Variants in AGBL1 observed in about 807,000 individuals in gnomAD.
AGBL1 encodes cytosolic carboxypeptidase 4.
Under a neutral mutation model 118.9 loss-of-function variants are expected in AGBL1, and 130 were observed. The ratio of observed to expected loss-of-function variants is 1.09; its 90% CI spans 0.95 to 1.26. The LOEUF (loss-of-function observed/expected upper bound fraction) is 1.26. AGBL1 is among the 50% of genes most tolerant of loss of function. The probability of loss-of-function intolerance (pLI) is 0.00; values close to 1 mark genes in which losing one functional copy is unlikely to be tolerated. For synonymous variants in AGBL1, 555 were observed against 478.9 expected, an observed-to-expected ratio of 1.16 and a Z score of -2.08; for missense variants, 1,584 against 1,298.1, an observed-to-expected ratio of 1.22 and a Z score of -3.38.
chr15:86,119,787 T>C (rs1394029486), intron 1 of AGBL1, among the ~76,000 whole-genome samples: 3 of 152,120 alleles, frequency 2.0e-5, no homozygotes, highest in Non-Finnish European at 2.9e-5. Flanking sequence ...GGGGTCCTAG[T>C]AGCTGCATAG....
At chr15:86,904,433 G>T (rs550321015) in intron 22 of AGBL1, among the ~76,000 whole-genome samples, 1 of 150,800 alleles carries the variant, frequency 6.6e-6, no homozygotes, top group South Asian at 2.1e-4. Context: ...AGAAGTGAAA[G>T]TCCTTGAATA....
intron 4 of AGBL1, among the ~76,000 whole-genome samples, chr15:86,156,051 A>G (rs1188361069): frequency 6.6e-6 from 1 of 152,048 alleles, no homozygotes; most frequent in Non-Finnish European, 1.5e-5. Context: ...CCTCCCGAGT[A>G]GCTGGGATCA....
intron 9 of AGBL1, among the ~76,000 whole-genome samples, chr15:86,261,196 C>A (rs1039231100): frequency 6.6e-6 from 1 of 152,206 alleles, no homozygotes; most frequent in African/African-American, 2.4e-5. Context: ...TGACTCTCCT[C>A]CCTTCAGATG....
At chr15:86,254,863 A>T (rs1164407821) in intron 7 of AGBL1, among the ~76,000 whole-genome samples, 1 of 152,176 alleles carries the variant, frequency 6.6e-6, no homozygotes, top group Non-Finnish European at 1.5e-5. Context: ...CTTGAAACCA[A>T]TGATCTTTGC....
intron 22 of AGBL1, among the ~76,000 whole-genome samples, chr15:86,855,023 G>C (rs975854598): frequency 6.6e-6 from 1 of 152,152 alleles, no homozygotes; most frequent in Admixed American, 6.5e-5. Context: ...TGAGAAACTT[G>C]TCTTCTGCTC....
intron 5 of AGBL1, among the ~76,000 whole-genome samples, chr15:86,159,971 A>G (rs1395351756): frequency 1.3e-5 from 2 of 152,172 alleles, no homozygotes; most frequent in East Asian, 1.9e-4. Flanking sequence ...GTAAGTTGAG[A>G]AATACTGGAT....
At chr15:86,300,272 C>T (rs1287664394) in intron 17 of AGBL1, among the ~76,000 whole-genome samples, 3 of 152,094 alleles carry the variant, frequency 2.0e-5, no homozygotes, top group African/African-American at 7.2e-5. Flanking sequence ...TTCTAAATGA[C>T]CATTTTAGCC....
intron 9 of AGBL1, 119 bp downstream of exon 9, chr15:86,258,150 C>T: frequency 1.0e-6 from 1 of 959,782 alleles, no homozygotes; most frequent in East Asian, 2.4e-5. Context: ...TTAGTACTGC[C>T]ACTCCAGTGG....
intron 23 of AGBL1, among the ~76,000 whole-genome samples, chr15:86,941,309 T>G (rs151223010): frequency 9.9e-4 from 151 of 152,348 alleles, no homozygotes; most frequent in African/African-American, 3.4e-3. Flanking sequence ...ACGTTGTAAT[T>G]TCTGGGTCAG....
chr15:86,180,927 T>G (rs1276862384), intron 5 of AGBL1, among the ~76,000 whole-genome samples: 5 of 152,092 alleles, frequency 3.3e-5, no homozygotes, highest in Admixed American at 2.0e-4. Flanking sequence ...ATGCTCAACA[T>G]CAGAATTAAT....
intron 22 of AGBL1, among the ~76,000 whole-genome samples, chr15:86,750,429 G>GA (rs1461623795): frequency 6.6e-6 from 1 of 151,722 alleles, no homozygotes; most frequent in Non-Finnish European, 1.5e-5. Context: ...CAATAACACC[G>GA]AACTCCCTTT....
chr15:86,791,741 T>C (rs2078496629), intron 22 of AGBL1, among the ~76,000 whole-genome samples: 1 of 149,716 alleles, frequency 6.7e-6, no homozygotes, highest in Non-Finnish European at 1.5e-5. Context: ...TATATATATA[T>C]ATATATATAT....
At chr15:86,380,397 G>C (rs571706323) in intron 17 of AGBL1, among the ~76,000 whole-genome samples, 1 of 151,260 alleles carries the variant, frequency 6.6e-6, no homozygotes, top group East Asian at 2.0e-4. Flanking sequence ...TGATTCTCCT[G>C]CCTCAGCCTC....
At chr15:86,116,346 G>A (rs1675842592) in intron 1 of AGBL1, among the ~76,000 whole-genome samples, 1 of 152,206 alleles carries the variant, frequency 6.6e-6, no homozygotes, top group Admixed American at 6.5e-5. Context: ...AGGATTATGT[G>A]TTTGTTTTTT....
At chr15:86,826,041 A>C (rs2079009600) in intron 22 of AGBL1, among the ~76,000 whole-genome samples, 1 of 151,792 alleles carries the variant, frequency 6.6e-6, no homozygotes, top group South Asian at 2.1e-4. Context: ...TCTTGCAAAA[A>C]AAAAATATTA....
chr15:86,873,286 G>A (rs1200995767), intron 22 of AGBL1, among the ~76,000 whole-genome samples: 2 of 152,044 alleles, frequency 1.3e-5, no homozygotes, highest in African/African-American at 4.8e-5. Flanking sequence ...CAGATGAGTT[G>A]ATTTCTGAGC....
At chr15:86,429,078 G>T (rs866050117) in intron 18 of AGBL1, among the ~76,000 whole-genome samples, 1 of 152,152 alleles carries the variant, frequency 6.6e-6, no homozygotes, top group African/African-American at 2.4e-5. Flanking sequence ...CTTTCCCTTC[G>T]CTCTGCCTCC....
At chr15:86,246,909 A>C (rs867698036) in intron 6 of AGBL1, among the ~76,000 whole-genome samples, 1 of 152,084 alleles carries the variant, frequency 6.6e-6, no homozygotes, top group African/African-American at 2.4e-5. Context: ...CTCCGGGTCC[A>C]CTGAAGTTCA....
chr15:86,587,745 T>G (rs74026959), intron 21 of AGBL1, among the ~76,000 whole-genome samples: 13,763 of 152,206 alleles, frequency 0.09, 1,915 homozygotes, highest in African/African-American at 0.3. Context: ...AGTACCCACA[T>G]GCAACCGCAG....
Sources: gnomAD v4.1 joint callset for allele counts (sites outside exome capture counted in the v4.1 genomes callset) on GRCh38, gnomAD v4.1.1 for gene constraint, MANE v1.5 for transcripts, NCBI Gene and HGNC (gene_info 2026-07-23, HGNC 2026-07-21) for gene names.